The following TFDP2 variants were observed in gnomAD, a reference collection of about 807,000 sequenced individuals.
TFDP2 encodes transcription factor Dp-2, also known as transcription factor Dp-2 (E2F dimerization partner 2).
TFDP2 carries 17 observed loss-of-function variants against 59.3 expected under a neutral mutation model. That is an observed-to-expected ratio of 0.29 (90% CI 0.20 to 0.43). The LOEUF (loss-of-function observed/expected upper bound fraction) is 0.43. Ranked by LOEUF, TFDP2 falls within the 20% of genes least tolerant of loss-of-function variation. The pLI is 1.00. For synonymous variants in TFDP2, 180 were observed against 194.7 expected, an observed-to-expected ratio of 0.92 and a Z score of 0.63; for missense variants, 391 against 528.8, an observed-to-expected ratio of 0.74 and a Z score of 2.56.
intron 6 of TFDP2, among the ~76,000 whole-genome samples, chr3:141,992,621 G>A (rs1203494945): frequency 6.6e-6 from 1 of 152,194 alleles, no homozygotes; most frequent in Non-Finnish European, 1.5e-5. Context: ...TCATTTCTAT[G>A]ATACAGCAGC....
At chr3:142,088,655 G>GA (rs2060893379) in intron 3 of TFDP2, among the ~76,000 whole-genome samples, 1 of 147,184 alleles carries the variant, frequency 6.8e-6, no homozygotes, top group Non-Finnish European at 1.5e-5. Flanking sequence ...CTGTCACCCA[G>GA]GCTGGAATGC....
rs989557728 is a variant in TFDP2, at chr3:142,122,387, C to T, written c.-92-20546G>A. ...ATCCCTATCTCTAAAATTTAGAAAC[C>T]TATCTCTAAAATTTAGTCTGCTACC... On this transcript the variant is annotated intron_variant, in intron 1 of 12. Coordinates refer to ENST00000489671, the MANE Select transcript of TFDP2 (RefSeq NM_001178139.2). 2.0e-5 allele frequency among the ~76,000 whole-genome samples: 3 copies of T among 152,216 alleles called. No individual in the cohort carries two copies. In the East Asian group the frequency reaches 5.8e-4, roughly 29 times the overall value.
intron 7 of TFDP2, among the ~76,000 whole-genome samples, chr3:141,977,130 C>CTTTT (rs1559959815): frequency 8.8e-6 from 1 of 113,326 alleles, no homozygotes. Flanking sequence ...TTTTTTTTTC[C>CTTTT]CCCCAAAGAG....
At chr3:142,093,246 G>T in intron 2 of TFDP2, 119 bp from the exon 3 acceptor site, 1 of 544,412 alleles carries the variant, frequency 1.8e-6, no homozygotes, top group Non-Finnish European at 3.1e-6. Context: ...CACATCAAAT[G>T]AATTAATTAT....
intron 3 of TFDP2, among the ~76,000 whole-genome samples, chr3:142,066,230 G>A (rs541717679): frequency 2.2e-4 from 33 of 152,204 alleles, no homozygotes; most frequent in African/African-American, 7.5e-4. Flanking sequence ...CCTGTTTCCA[G>A]GCTGTGAAGA....
At chr3:142,146,014 G>T (rs1287059460) in intron 1 of TFDP2, among the ~76,000 whole-genome samples, 1 of 152,096 alleles carries the variant, frequency 6.6e-6, no homozygotes, top group Admixed American at 6.6e-5. Context: ...TTTAAGAGAG[G>T]TCTTTAGCAG....
chr3:142,065,261 C>T (rs2060035651), intron 3 of TFDP2, among the ~76,000 whole-genome samples: 1 of 151,866 alleles, frequency 6.6e-6, no homozygotes, highest in South Asian at 2.1e-4. Context: ...GCAATCATCC[C>T]AGTTCAGCCA....
chr3:142,134,348 CAA>C (rs71878913), intron 1 of TFDP2, among the ~76,000 whole-genome samples: 64 of 126,572 alleles, frequency 5.1e-4, no homozygotes, highest in Non-Finnish European at 4.3e-4. Flanking sequence ...GACCCCATCT[CAA>C]AAAAAAAAAA....
At chr3:142,000,312 G>A (rs1560006437) in intron 4 of TFDP2, 1 of 702,800 alleles carries the variant, frequency 1.4e-6, no homozygotes, top group Non-Finnish European at 2.6e-6. Context: ...TGCCTGGTGA[G>A]GGTTTATTCT....
At chr3:141,994,182 T>C (rs1576619571) in intron 5 of TFDP2, 1 of 152,246 alleles carries the variant, frequency 6.6e-6, no homozygotes, top group Non-Finnish European at 1.5e-5. Context: ...TACATGTGTG[T>C]AGGCATGTAT....
intron 2 of TFDP2, among the ~76,000 whole-genome samples, chr3:142,096,943 T>C (rs987519548): frequency 6.6e-6 from 1 of 152,218 alleles, no homozygotes; most frequent in African/African-American, 2.4e-5. Context: ...TATCTATTAA[T>C]ATGCCAAAGC....
chr3:142,005,377 A>G, intron 4 of TFDP2, 64 bp downstream of exon 4: 1 of 1,308,184 alleles, frequency 7.6e-7, no homozygotes, highest in East Asian at 2.3e-5. Flanking sequence ...ATTTAATGCA[A>G]TTATTCTTTA....
At chr3:142,109,609 T>C (rs1189566829) in intron 1 of TFDP2, among the ~76,000 whole-genome samples, 1 of 152,198 alleles carries the variant, frequency 6.6e-6, no homozygotes, top group African/African-American at 2.4e-5. Context: ...ATTACAGGCA[T>C]GAGCCACTGC....
At chr3:141,963,714 G>A in intron 10 of TFDP2, 98 bp downstream of exon 10, 1 of 1,398,420 alleles carries the variant, frequency 7.2e-7, no homozygotes, top group East Asian at 2.3e-5. Context: ...AGCCTTTGAG[G>A]GGTGCAACTA....
At chr3:142,139,756 C>T (rs1449205726) in intron 1 of TFDP2, among the ~76,000 whole-genome samples, 1 of 152,196 alleles carries the variant, frequency 6.6e-6, no homozygotes, top group South Asian at 2.1e-4. Context: ...TGATGGGCTT[C>T]CCTTTTTGGG....
rs1471316262 is a variant in TFDP2, at chr3:141,995,290, C to T, written c.187-149G>A. On this transcript the variant is annotated intron_variant, in intron 4 of 12. Transcript: ENST00000489671. Reference sequence around the variant, plus strand: ...CAGTCATCTAAAAATATAAGCAATGCCTTTGATTTACTTATATCCTAGGAT... The same window carrying T: ...CAGTCATCTAAAAATATAAGCAATGTCTTTGATTTACTTATATCCTAGGAT... 5.9e-6 allele frequency: 3 copies of T among 511,872 alleles called. No homozygotes were observed. The South Asian group carries it at 2.2e-4, about 37-fold the overall frequency. 31.7% of individuals were successfully genotyped at this position (511,872 alleles called of 1,614,324 possible).
chr3:142,076,223 A>G (rs1288219898), intron 3 of TFDP2, among the ~76,000 whole-genome samples: 4 of 152,004 alleles, frequency 2.6e-5, no homozygotes, highest in African/African-American at 9.7e-5. Flanking sequence ...AAAAAAAAAA[A>G]AAAGAAAAAA....
intron 1 of TFDP2, among the ~76,000 whole-genome samples, chr3:142,114,103 T>C (rs1482758858): frequency 2.0e-5 from 3 of 151,170 alleles, no homozygotes; most frequent in African/African-American, 7.3e-5. Context: ...AGGTGGAGCT[T>C]GCAGCGAGCC....
chr3:141,980,049 C>T (rs1941293076), intron 6 of TFDP2, among the ~76,000 whole-genome samples: 1 of 151,412 alleles, frequency 6.6e-6, no homozygotes, highest in African/African-American at 2.4e-5. Context: ...GTTAGAATTA[C>T]AGGTGCATGT....
Sources: gnomAD v4.1 joint callset for allele counts (sites outside exome capture counted in the v4.1 genomes callset) on GRCh38, gnomAD v4.1.1 for gene constraint, MANE v1.5 for transcripts, NCBI Gene and HGNC (gene_info 2026-07-23, HGNC 2026-07-21) for gene names.